Variants in ZNF540 observed in about 807,000 individuals in gnomAD.
ZNF540 encodes the protein zinc finger protein 540, also known as CTD-3064H18.6.
A neutral mutation model predicts 11.8 loss-of-function variants in ZNF540; 3 were observed. The ratio of observed to expected loss-of-function variants is 0.25; its 90% CI spans 0.12 to 0.65. The LOEUF (loss-of-function observed/expected upper bound fraction) is 0.65, where lower values mean the gene tolerates loss of function less well. Among genes scored for constraint, ZNF540 ranks in the 30% least tolerant of loss-of-function variants. The pLI is 0.83. For synonymous variants in ZNF540, 247 were observed against 259.0 expected (o/e 0.95, Z 0.45); for missense variants, 709 against 793.1 (o/e 0.89, Z 1.27).
At position 37,613,950 on chromosome 19, in the gene ZNF540, G is replaced by T. The variant is rs1198613896; in HGVS notation, c.*687G>T. 2.5e-6 allele frequency: 1 copy of T among 398,118 alleles called. No homozygotes were observed. Among genetic ancestry groups the T allele is most frequent in the Non-Finnish European group, 4.4e-6 (1 of 225,918 alleles). The allele number at this position is 398,118 out of a possible 1,614,324, so 24.7% of individuals were successfully genotyped here. On this transcript the variant is annotated 3_prime_UTR_variant, in exon 5 of 5. Coordinates refer to ENST00000316433, the MANE Select transcript of ZNF540 (RefSeq NM_001172225.3). ...TAAGAAGAAGCCAAAGAGCCAGCTA[G>T]CTCTTTCAACCACATGAGGTTACAG...
intron 4 of ZNF540, among the ~76,000 whole-genome samples, chr19:37,604,992 GTAT>G (rs1187848431): frequency 6.6e-6 from 1 of 152,184 alleles, no homozygotes; most frequent in Non-Finnish European, 1.5e-5. Flanking sequence ...TTGCTGAATA[GTAT>G]TTCATATCTG....
intron 3 of ZNF540, among the ~76,000 whole-genome samples, chr19:37,600,376 T>A (rs1733144506): frequency 6.6e-6 from 1 of 152,174 alleles, no homozygotes; most frequent in African/African-American, 2.4e-5. Context: ...AAATAAAAGT[T>A]GAAATTAGTT....
At chr19:37,572,827 C>G in intron 1 of ZNF540, among the ~76,000 whole-genome samples, 1 of 152,198 alleles carries the variant, frequency 6.6e-6, no homozygotes. Flanking sequence ...ATTACTATAA[C>G]TATTTACAAA....
intron 1 of ZNF540, among the ~76,000 whole-genome samples, chr19:37,579,233 G>C (rs940961112): frequency 2.0e-5 from 3 of 152,322 alleles, no homozygotes; most frequent in East Asian, 1.9e-4. Flanking sequence ...GGGCTAGCCC[G>C]ACTGCAGTCC....
At chr19:37,555,872 G>C in intron 1 of ZNF540, 1 of 700,562 alleles carries the variant, frequency 1.4e-6, no homozygotes, top group South Asian at 1.5e-5. Context: ...ACATAATTTA[G>C]GACGAGAAGC....
intron 4 of ZNF540, among the ~76,000 whole-genome samples, chr19:37,607,023 A>G (rs1208024046): frequency 6.6e-6 from 1 of 151,892 alleles, no homozygotes; most frequent in Non-Finnish European, 1.5e-5. Context: ...GATTTGTAAG[A>G]GTTCTTTATA....
In ZNF540 at chr19:37,612,006, C is replaced by T; in HGVS notation, c.726C>T (p.Pro242=). Residue 242 remains proline, a synonymous_variant, in exon 5 of 5, where the codon CCC becomes CCT. Coordinates refer to ENST00000316433, the MANE Select transcript of ZNF540 (RefSeq NM_001172225.3). ...LHQRFHTGEK[P]YECQECGKTF... The stretch of plus-strand genomic sequence containing the variant: ...AGAGATTTCATACTGGTGAGAAACC[C>T]TATGAATGTCAAGAATGTGGGAAGA... 1 of 1,613,580 alleles carries T rather than the reference C, an allele frequency of 6.2e-7. No homozygotes were observed. Among genetic ancestry groups the T allele is most frequent in the Non-Finnish European group, 8.5e-7 (1 of 1,179,936 alleles).
upstream of ZNF540, among the ~76,000 whole-genome samples, chr19:37,592,412 T>C (rs768333979): frequency 3.2e-4 from 48 of 152,178 alleles, no homozygotes; most frequent in Non-Finnish European, 3.2e-4. Flanking sequence ...TTTATTACCA[T>C]AGATATACTG....
At chr19:37,589,912 A>T (rs1187062837), upstream of ZNF540, among the ~76,000 whole-genome samples, 3 of 149,558 alleles carry the variant, frequency 2.0e-5, no homozygotes, top group African/African-American at 7.4e-5. Context: ...AATCATGAGG[A>T]AACATCAAAC....
intron 1 of ZNF540, among the ~76,000 whole-genome samples, chr19:37,572,212 C>A (rs1568347298): frequency 9.1e-4 from 1 of 1,096 alleles, no homozygotes; most frequent in Non-Finnish European, 1.7e-3. Context: ...ATAAAACATT[C>A]AGTTGTCAAT....
Position 37,556,125 on chromosome 19 carries a change from G to A in ZNF540, c.-73+4460G>A, listed in dbSNP as rs150131298. The A allele has an allele frequency of 1.6e-3, 1,110 of 702,666 alleles. 12 individuals are homozygous for A. In the African/African-American group the frequency reaches 0.017, roughly 11 times the overall value. 43.5% of individuals were successfully genotyped at this position (702,666 alleles called of 1,614,324 possible). A position where few individuals can be genotyped will look rare whatever the true frequency, so the allele number is the denominator to read the frequency against. On this transcript the variant is annotated intron_variant, in intron 1 of 4. Transcript: ENST00000592533. ...GTTGACACTTCCTGCTTTTGGGACC[G>A]GCAGATTGTGTTGCTCTTCGCGGGT...
At chr19:37,611,343 T>C in intron 4 of ZNF540, 170 bp from the exon 5 acceptor site, 2 of 535,164 alleles carry the variant, frequency 3.7e-6, no homozygotes, top group Non-Finnish European at 6.3e-6. Context: ...TCTCATTTTC[T>C]AAGCTCATGT....
At chr19:37,566,377 T>C in intron 1 of ZNF540, 15 of 1,443,252 alleles carry the variant, frequency 1.0e-5, no homozygotes, top group Non-Finnish European at 1.4e-5. Context: ...ATGAAAATAA[T>C]TCTCATTAAG....
At position 37,612,848 on chromosome 19, in the gene ZNF540, A is replaced by C; in HGVS notation, c.1568A>C (p.Tyr523Ser). The change falls in exon 5 of 5, where the codon TAT (tyrosine) becomes TCT (serine). Residue 523 changes from tyrosine to serine, a missense_variant. Physicochemically the swap from Tyr to Ser is moderately radical, Grantham distance 144 (BLOSUM62 -2). Transcript: ENST00000316433. ...HQRIHTGEKP[Y>S]KCKECGKAFI... is the part of the protein sequence containing the mutation. Reference sequence around the variant, plus strand: ...AGAATTCACACTGGTGAAAAGCCCTATAAATGTAAAGAATGTGGAAAGGCC... The same window carrying C: ...AGAATTCACACTGGTGAAAAGCCCTCTAAATGTAAAGAATGTGGAAAGGCC... 3 of 1,614,138 alleles carry C rather than the reference A, an allele frequency of 1.9e-6. No homozygotes were observed. The highest frequency in any genetic ancestry group is 2.5e-6 in the Non-Finnish European group (3 of 1,180,010).
intron 1 of ZNF540, among the ~76,000 whole-genome samples, chr19:37,552,289 A>C (rs1003436134): frequency 1.3e-5 from 2 of 152,208 alleles, no homozygotes; most frequent in Non-Finnish European, 2.9e-5. Context: ...TTTATGGCTC[A>C]GAATATAAAC....
chr19:37,556,550 A>G (rs1258611001), intron 1 of ZNF540, among the ~76,000 whole-genome samples: 4 of 152,152 alleles, frequency 2.6e-5, no homozygotes, highest in Non-Finnish European at 2.9e-5. Flanking sequence ...GGAACTTTTT[A>G]ACAAACACTA....
upstream of ZNF540, among the ~76,000 whole-genome samples, chr19:37,591,059 T>C (rs1359771688): frequency 6.6e-6 from 1 of 152,236 alleles, no homozygotes; most frequent in Non-Finnish European, 1.5e-5. Context: ...TGAACTATTA[T>C]TATAAATTCA....
chr19:37,557,755 C>T (rs1318104920), intron 1 of ZNF540, among the ~76,000 whole-genome samples: 1 of 152,194 alleles, frequency 6.6e-6, no homozygotes, highest in Non-Finnish European at 1.5e-5. Context: ...TCTGATATTG[C>T]AAGATGCGAG....
intron 1 of ZNF540, chr19:37,586,867 A>G: frequency 4.8e-6 from 3 of 626,740 alleles, no homozygotes; most frequent in Non-Finnish European, 8.4e-6. Flanking sequence ...TCTTCCACAA[A>G]CCCAATGGAA....
Sources: allele counts gnomAD v4.1 joint callset (sites outside exome capture counted in the v4.1 genomes callset), GRCh38; gene constraint gnomAD v4.1.1; transcripts MANE v1.5; gene names NCBI Gene and HGNC (gene_info 2026-07-23, HGNC 2026-07-21).